The following ITGA9 variants were observed in gnomAD, a reference collection of about 807,000 sequenced individuals.
ITGA9 encodes integrin alpha-9.
In ITGA9, 56 loss-of-function variants were observed where a neutral mutation model predicts 127.8. The ratio of observed to expected loss-of-function variants is 0.44; its 90% CI spans 0.35 to 0.55. ITGA9 has a LOEUF of 0.55. ITGA9 is among the 20% of genes least tolerant of loss of function. The pLI is 0.00. For missense variants in ITGA9, 1,196 were observed against 1,347.1 expected, an observed-to-expected ratio of 0.89 and a Z score of 1.76; for synonymous variants, 508 against 514.5, an observed-to-expected ratio of 0.99 and a Z score of 0.17.
Position 37,629,369 on chromosome 3 carries a change from A to C in ITGA9, c.1839+33A>C. On this transcript the variant is annotated intron_variant, in intron 16 of 27. Coordinates refer to ENST00000264741, the MANE Select transcript of ITGA9 (RefSeq NM_002207.3). The surrounding 1 kb of genome is among the most constrained non-coding windows in gnomAD (Gnocchi z 4.5). ...CCTTAAAGCTCATACTCAGCACCCA[A>C]GGTGGCAGCTGCACAGAGCAGAAAT... 1.2e-6 allele frequency: 2 copies of C among 1,612,292 alleles called. No individual in the cohort carries two copies. The highest frequency in any genetic ancestry group is 2.2e-5 in the East Asian group (1 of 44,834).
At chr3:37,612,174 T>A (rs1172907977) in intron 15 of ITGA9, among the ~76,000 whole-genome samples, 1 of 152,208 alleles carries the variant, frequency 6.6e-6, no homozygotes, top group Non-Finnish European at 1.5e-5. Flanking sequence ...TCATTAGGCA[T>A]TACTAGTAAG....
At position 37,452,322 on chromosome 3, in the gene ITGA9, C is replaced by A; in HGVS notation, c.-53C>A. Reference sequence around the variant, plus strand: ...GGCCGTCGGCGGGCCCCGCGGCCCGCGCGCTCGGCGCCCTGCTCGCCGGGC... The same window carrying A: ...GGCCGTCGGCGGGCCCCGCGGCCCGAGCGCTCGGCGCCCTGCTCGCCGGGC... On this transcript the variant is annotated 5_prime_UTR_variant, in exon 1 of 28. Coordinates refer to ENST00000264741, the MANE Select transcript of ITGA9 (RefSeq NM_002207.3). This position sits in a 1 kb window ranked among gnomAD's most constrained non-coding sequence, Gnocchi z 7.3. 1 of 989,214 alleles carries A rather than the reference C, an allele frequency of 1.0e-6. No individual in the cohort carries two copies. The highest frequency in any genetic ancestry group is 1.2e-6 in the Non-Finnish European group (1 of 826,580). The allele number at this position is 989,214 out of a possible 1,614,324, so 61.3% of individuals were successfully genotyped here. A position where few individuals can be genotyped will look rare whatever the true frequency, so the allele number is the denominator to read the frequency against.
intron 3 of ITGA9, among the ~76,000 whole-genome samples, chr3:37,480,943 ACTTCC>A (rs1443509825): frequency 6.6e-6 from 1 of 151,994 alleles, no homozygotes; most frequent in Non-Finnish European, 1.5e-5. Context: ...ACTCTCCACC[ACTTCC>A]CATTGCAGAT....
At chr3:37,813,144 C>T (rs141806796) in intron 27 of ITGA9, among the ~76,000 whole-genome samples, 37 of 152,268 alleles carry the variant, frequency 2.4e-4, no homozygotes, top group African/African-American at 8.4e-4. Context: ...TGAAGGGGCT[C>T]GTGGGTTTCC....
chr3:37,712,055 C>G (rs1701085200), intron 18 of ITGA9, among the ~76,000 whole-genome samples: 1 of 151,620 alleles, frequency 6.6e-6, no homozygotes, highest in African/African-American at 2.4e-5. Context: ...GTTGTATTTA[C>G]TTTTCTGGAT....
At chr3:37,473,638 T>C (rs1698460881) in intron 3 of ITGA9, among the ~76,000 whole-genome samples, 178 bp downstream of exon 3, 1 of 152,258 alleles carries the variant, frequency 6.6e-6, no homozygotes, top group Non-Finnish European at 1.5e-5. Flanking sequence ...GTGAATAATG[T>C]CTGTCCCAAG....
intron 27 of ITGA9, among the ~76,000 whole-genome samples, chr3:37,809,628 T>A (rs1029559695): frequency 3.3e-5 from 5 of 151,454 alleles, no homozygotes; most frequent in Admixed American, 6.6e-5. Flanking sequence ...GGGAAAAAAA[T>A]TTTTTTTTCT....
chr3:37,487,318 GA>G (rs1204159300), intron 4 of ITGA9, among the ~76,000 whole-genome samples: 1 of 152,204 alleles, frequency 6.6e-6, no homozygotes, highest in African/African-American at 2.4e-5. Flanking sequence ...TTCTGAGGGG[GA>G]GGAAGGGAGG....
chr3:37,479,193 A>C (rs1698525644), intron 3 of ITGA9, among the ~76,000 whole-genome samples: 2 of 152,200 alleles, frequency 1.3e-5, no homozygotes, highest in Non-Finnish European at 2.9e-5. Context: ...TTTAAAAATC[A>C]ATTATTTAGC....
At chr3:37,505,602 G>A (rs1698832128) in intron 6 of ITGA9, among the ~76,000 whole-genome samples, 1 of 152,186 alleles carries the variant, frequency 6.6e-6, no homozygotes, top group African/African-American at 2.4e-5. Flanking sequence ...TGGGGTTATG[G>A]TTCTGTGGTT....
intron 18 of ITGA9, among the ~76,000 whole-genome samples, chr3:37,689,195 C>T (rs1015122455): frequency 6.6e-6 from 1 of 152,214 alleles, no homozygotes; most frequent in Non-Finnish European, 1.5e-5. Context: ...GCTTCTAAGA[C>T]TGAATACAAA....
rs374257811 is a variant in ITGA9 at position 37,547,631 on chromosome 3, A to G, written c.1689+5046A>G. On this transcript the variant is annotated intron_variant, in intron 15 of 27. Transcript: ENST00000264741. ...TAATAAGAACTCTGAGAAAGAGGAG[A>G]AAGAAAAACAGCAAAAGTTTCTTCT... 1.6e-4 allele frequency among the ~76,000 whole-genome samples: 25 copies of G among 152,292 alleles called. No homozygotes were observed. In the East Asian group the frequency reaches 3.9e-3, roughly 23 times the overall value.
At chr3:37,786,064 C>T (rs1472182296) in intron 26 of ITGA9, among the ~76,000 whole-genome samples, 2 of 152,076 alleles carry the variant, frequency 1.3e-5, no homozygotes, top group Non-Finnish European at 2.9e-5. Flanking sequence ...TGCCCACACT[C>T]AGATCCCAGG....
chr3:37,736,204 T>TA (rs1394600555), intron 19 of ITGA9, among the ~76,000 whole-genome samples: 3 of 152,166 alleles, frequency 2.0e-5, no homozygotes, highest in African/African-American at 7.2e-5. Flanking sequence ...ATAGGGGGGT[T>TA]AGGCCTTCCA....
intron 16 of ITGA9, among the ~76,000 whole-genome samples, chr3:37,652,252 C>CGGAA (rs1287597310): frequency 2.0e-5 from 3 of 152,148 alleles, no homozygotes; most frequent in Admixed American, 6.5e-5. Context: ...TGGCACCTTC[C>CGGAA]CTCTGTCCTC....
chr3:37,495,198 C>T (rs916845671), intron 5 of ITGA9, among the ~76,000 whole-genome samples: 1 of 152,116 alleles, frequency 6.6e-6, no homozygotes, highest in Non-Finnish European at 1.5e-5. Context: ...GGTGATCTGC[C>T]AGTCTCGGCT....
At chr3:37,808,363 G>A (rs1386358534) in intron 27 of ITGA9, 1 of 152,164 alleles carries the variant, frequency 6.6e-6, no homozygotes, top group Non-Finnish European at 1.5e-5. Flanking sequence ...GGCCCAATGT[G>A]GGTCATATGT....
chr3:37,577,806 G>A (rs2125608116), intron 15 of ITGA9, among the ~76,000 whole-genome samples: 1 of 152,308 alleles, frequency 6.6e-6, no homozygotes, highest in Admixed American at 6.5e-5. Flanking sequence ...AAGTAGATTT[G>A]TGGAAACAGA....
intron 18 of ITGA9, among the ~76,000 whole-genome samples, chr3:37,686,174 G>A (rs899525051): frequency 1.3e-5 from 2 of 152,012 alleles, no homozygotes; most frequent in East Asian, 3.9e-4. Flanking sequence ...CATCTCGTCC[G>A]CATCCCCTCT....
Sources: allele counts gnomAD v4.1 joint callset (sites outside exome capture counted in the v4.1 genomes callset), GRCh38; gene constraint gnomAD v4.1.1; non-coding constraint Gnocchi (gnomAD v3.1); transcripts MANE v1.5; gene names NCBI Gene and HGNC (gene_info 2026-07-23, HGNC 2026-07-21).